DNAI7: variants seen among roughly 807,000 people sequenced by gnomAD.
The protein encoded by DNAI7 is dynein axonemal intermediate chain 7, also known as cancer susceptibility 1.
In DNAI7, 78 loss-of-function variants were observed where a neutral mutation model predicts 86.6. That is an observed-to-expected ratio of 0.90 (90% confidence interval 0.75 to 1.09). The LOEUF is 1.09. Among genes scored for constraint, DNAI7 ranks in the 50% least tolerant of loss-of-function variants. The probability of loss-of-function intolerance (pLI) is 0.00; values close to 1 mark genes in which losing one functional copy is unlikely to be tolerated. For missense variants in DNAI7, 753 were observed against 810.2 expected (o/e 0.93, Z 0.86); for synonymous variants, 274 against 273.0 (o/e 1.00, Z -0.04).
In DNAI7 at chr12:25,144,608, G is replaced by A. The variant is rs769840238; in HGVS notation, c.759C>T (p.Asp253=). Reference sequence around the variant, plus strand: ...GGGTATGCAGGAGTCGTACAGCAATGTCACTTGTTGCTAATATCCTTGGAA... The same window carrying A: ...GGGTATGCAGGAGTCGTACAGCAATATCACTTGTTGCTAATATCCTTGGAA... ...FEIPRILATS[D]IAVRLLHTHY... The change falls in exon 9 of 16, where the codon GAC becomes GAT. Residue 253 remains aspartate, a synonymous_variant. Coordinates refer to ENST00000395987, the MANE Select transcript of DNAI7 (RefSeq NM_018272.5). 4 of 1,613,998 alleles carry A rather than the reference G, an allele frequency of 2.5e-6. No homozygotes were observed. Among genetic ancestry groups the A allele is most frequent in the African/African-American group, 1.3e-5 (1 of 75,040 alleles).
intron 9 of DNAI7, among the ~76,000 whole-genome samples, chr12:25,127,441 T>G (rs991654615): frequency 6.6e-6 from 1 of 152,220 alleles, no homozygotes; most frequent in African/African-American, 2.4e-5. Flanking sequence ...AAGTATTTTT[T>G]TCTTCTAGGT....
rs376920188 is a variant in DNAI7, at chr12:25,119,191, A to G, written c.1350T>C (p.Asn450=). The G allele has an allele frequency of 1.2e-5, 19 of 1,611,936 alleles. No individual in the cohort carries two copies. Among genetic ancestry groups the G allele is most frequent in the Non-Finnish European group, 1.4e-5 (17 of 1,179,368 alleles). Residue 450 remains asparagine, a synonymous_variant, in exon 12 of 16, where the codon AAT becomes AAC. Coordinates refer to ENST00000395987, the MANE Select transcript of DNAI7 (RefSeq NM_018272.5). ...CCACAGGATCCTCAAAAAAGATTAC[A>G]TTCTCATGAACCTCAAGTGTGACCT... ...PIEVTLEVHE[N]VIFFEDPVVV...
chr12:25,151,496 C>T (rs991129539), intron 6 of DNAI7, among the ~76,000 whole-genome samples: 2 of 152,178 alleles, frequency 1.3e-5, no homozygotes, highest in Non-Finnish European at 2.9e-5. Context: ...CTTTTCTCAT[C>T]GTTTTTGCTA....
chr12:25,150,074 T>C (rs187774370), intron 6 of DNAI7, among the ~76,000 whole-genome samples: 32 of 152,326 alleles, frequency 2.1e-4, no homozygotes, highest in Admixed American at 1.9e-3. Flanking sequence ...GAGTGCCATC[T>C]GTCTAATGTA....
intron 8 of DNAI7, among the ~76,000 whole-genome samples, chr12:25,146,189 T>TC (rs769673957): frequency 1.6e-4 from 24 of 149,456 alleles, no homozygotes; most frequent in South Asian, 2.1e-4. Context: ...GCCCTTGCAC[T>TC]CCAGCCTGGG....
intron 2 of DNAI7, among the ~76,000 whole-genome samples, chr12:25,164,727 G>A (rs992998793): frequency 2.0e-5 from 3 of 151,612 alleles, no homozygotes; most frequent in South Asian, 2.1e-4. Context: ...TTTCCCTCCC[G>A]CCTGTCCCCT....
chr12:25,130,241 T>C (rs965420502), intron 9 of DNAI7, among the ~76,000 whole-genome samples: 1 of 152,118 alleles, frequency 6.6e-6, no homozygotes, highest in Non-Finnish European at 1.5e-5. Flanking sequence ...ATTACATATA[T>C]AAAATATTTA....
At chr12:25,124,408 T>C (rs1230644743) in intron 9 of DNAI7, among the ~76,000 whole-genome samples, 1 of 151,934 alleles carries the variant, frequency 6.6e-6, no homozygotes, top group African/African-American at 2.4e-5. Context: ...TGCTAGACAC[T>C]GGCAATAAAA....
At chr12:25,185,360 T>C (rs757434492) in intron 2 of DNAI7, among the ~76,000 whole-genome samples, 1 of 152,202 alleles carries the variant, frequency 6.6e-6, no homozygotes, top group Non-Finnish European at 1.5e-5. Flanking sequence ...AGCCTCAAAT[T>C]AATGAAATCA....
intron 6 of DNAI7, 151 bp downstream of exon 6, chr12:25,154,168 A>G: frequency 1.7e-6 from 1 of 601,582 alleles, no homozygotes; most frequent in Non-Finnish European, 2.7e-6. Context: ...AAAAAGAAAA[A>G]AGAAAATGAA....
At chr12:25,130,927 G>A (rs1447581189) in intron 9 of DNAI7, among the ~76,000 whole-genome samples, 1 of 151,970 alleles carries the variant, frequency 6.6e-6, no homozygotes, top group Non-Finnish European at 1.5e-5. Flanking sequence ...AAGAAAATGT[G>A]TACATCATCT....
At chr12:25,111,182 T>G (rs531090524) in intron 14 of DNAI7, among the ~76,000 whole-genome samples, 1 of 152,224 alleles carries the variant, frequency 6.6e-6, no homozygotes, top group Non-Finnish European at 1.5e-5. Context: ...TCTTCATATA[T>G]CACAAATGTT....
chr12:25,142,557 G>A (rs1438246792), intron 9 of DNAI7, among the ~76,000 whole-genome samples: 2 of 151,334 alleles, frequency 1.3e-5, no homozygotes, highest in Non-Finnish European at 2.9e-5. Context: ...ACTACATGAG[G>A]CCACTTTGAG....
chr12:25,114,046 A>G (rs1939562310), intron 13 of DNAI7, among the ~76,000 whole-genome samples: 2 of 146,990 alleles, frequency 1.4e-5, no homozygotes, highest in Admixed American at 1.4e-4. Flanking sequence ...CCCAGGTTCA[A>G]GCGATTCTTT....
chr12:25,160,333 T>A (rs1314691515), intron 3 of DNAI7, among the ~76,000 whole-genome samples: 1 of 152,272 alleles, frequency 6.6e-6, no homozygotes, highest in Admixed American at 6.5e-5. Context: ...AGAATTAATA[T>A]GTCAGTATGT....
Position 25,123,256 on chromosome 12 carries a change from T to TTATGGC in DNAI7, c.1027_1032dup (p.Ala343_Ile344dup), listed in dbSNP as rs1941596555. Reference sequence around the variant, plus strand: ...AATACTTTCATCTCTCGTTCACATTTTATGGCTTCAGATTCTTCCTCAGCA... The same window carrying TTATGGC: ...AATACTTTCATCTCTCGTTCACATTTTATGGCTATGGCTTCAGATTCTTCCTCAGCA... On this transcript the variant is annotated inframe_insertion, in exon 10 of 16. Transcript: ENST00000395987. 6.2e-7 allele frequency: 1 copy of TTATGGC among 1,607,648 alleles called. No individual in the cohort carries two copies. Among genetic ancestry groups the TTATGGC allele is most frequent in the Admixed American group, 1.7e-5 (1 of 58,834 alleles).
At chr12:25,108,104 G>A, downstream of DNAI7, 1 of 1,589,546 alleles carries the variant, frequency 6.3e-7, no homozygotes, top group Non-Finnish European at 8.6e-7. Flanking sequence ...TTAAGTTTCA[G>A]TATCTGAACT....
chr12:25,158,564 C>G lies in DNAI7; in HGVS notation c.107-1G>C, dbSNP rs1203068975. ...TTCTCATATTTCAAACGGGCTTCCT[C>G]TAAAGAACCAAAAATAATTTTTTTC... On this transcript the variant is annotated splice_acceptor_variant, in intron 3 of 15. Transcript: ENST00000395987. LOFTEE classifies it high-confidence loss of function. 1.9e-6 allele frequency: 3 copies of G among 1,609,770 alleles called. No individual in the cohort carries two copies. The East Asian group carries it at 6.7e-5, about 36-fold the overall frequency.
chr12:25,157,581 T>A (rs1175090303), intron 4 of DNAI7, among the ~76,000 whole-genome samples: 1 of 152,160 alleles, frequency 6.6e-6, no homozygotes, highest in Non-Finnish European at 1.5e-5. Context: ...TACTTATGTT[T>A]AATAAAATTT....
Sources: gnomAD v4.1 joint callset for allele counts (sites outside exome capture counted in the v4.1 genomes callset) on GRCh38, gnomAD v4.1.1 for gene constraint, MANE v1.5 for transcripts, NCBI Gene and HGNC (gene_info 2026-07-23, HGNC 2026-07-21) for gene names.